The following DPYSL2 variants were observed in gnomAD, a reference collection of about 807,000 sequenced individuals.
DPYSL2 encodes the protein dihydropyrimidinase like 2.
A neutral mutation model predicts 69.9 loss-of-function variants in DPYSL2; 13 were observed. The observed-to-expected ratio is 0.19, with a 90% CI of 0.12 to 0.30. DPYSL2 has a LOEUF of 0.30. Among genes scored for constraint, DPYSL2 ranks in the 10% least tolerant of loss-of-function variants. DPYSL2 has a pLI of 1.00. For missense variants in DPYSL2, 587 were observed against 918.9 expected (o/e 0.64, Z 4.67); for synonymous variants, 326 against 359.1 (o/e 0.91, Z 1.04).
intron 10 of DPYSL2, among the ~76,000 whole-genome samples, chr8:26,646,231 C>T (rs998946697): frequency 2.0e-5 from 3 of 150,508 alleles, no homozygotes; most frequent in African/African-American, 7.3e-5. Context: ...ACTTGAATGA[C>T]ATTTTTATAA....
intron 1 of DPYSL2, chr8:26,577,723 G>C (rs189016543): frequency 0.017 from 14,149 of 832,006 alleles, 146 homozygotes; most frequent in Admixed American, 0.037. Flanking sequence ...CGCGAAAGGC[G>C]CGCTCCCAGC....
rs1241692716 is a variant in DPYSL2, at chr8:26,640,836, G to T, written c.1127-2603G>T. 2.0e-5 allele frequency among the ~76,000 whole-genome samples: 3 copies of T among 152,164 alleles called. No individual in the cohort carries two copies. The highest frequency in any genetic ancestry group is 4.4e-5 in the Non-Finnish European group (3 of 68,032). ...ATGTCCCTATCTTTGCTTAGCTGTG[G>T]CCCAGAAGTCCACTCAGCCTTTGTC... On this transcript the variant is annotated intron_variant, in intron 8 of 13. Coordinates refer to ENST00000521913, the MANE Select transcript of DPYSL2 (RefSeq NM_001197293.3). The surrounding 1 kb of genome is among the most constrained non-coding windows in gnomAD (Gnocchi z 4.2).
At position 26,587,837 on chromosome 8, in the gene DPYSL2, G is replaced by A. The variant is rs1282804484; in HGVS notation, c.628+3854G>A. Among the ~76,000 whole-genome samples, 1 of 152,120 alleles carries A rather than the reference G, an allele frequency of 6.6e-6. No homozygotes were observed. The highest frequency in any genetic ancestry group is 1.9e-4 in the East Asian group (1 of 5,172). ...GGCCTTCATGGTCATTTGAGTTCAG[G>A]ATCTCAGAGTTTCTAGGAAGCAGCT... is the stretch of plus-strand genomic sequence containing the variant. On this transcript the variant is annotated intron_variant, in intron 3 of 13. Coordinates refer to ENST00000521913, the MANE Select transcript of DPYSL2 (RefSeq NM_001197293.3). The surrounding 1 kb of genome is among the most constrained non-coding windows in gnomAD (Gnocchi z 4.2).
rs1808315590 is a variant in DPYSL2, at chr8:26,517,717, C to T, written c.354+3038C>T. Among the ~76,000 whole-genome samples the T allele has an allele frequency of 6.6e-6, 1 of 152,234 alleles. No individual in the cohort carries two copies. Among genetic ancestry groups the T allele is most frequent in the African/African-American group, 2.4e-5 (1 of 41,462 alleles). ...CAAAGGGGCCTCTAGGCCCTTTTCCCAGCAGCAAACAACCTATGCAGGCTG... is the reference window on the plus strand; with the variant it reads ...CAAAGGGGCCTCTAGGCCCTTTTCCTAGCAGCAAACAACCTATGCAGGCTG... On this transcript the variant is annotated intron_variant, in intron 1 of 13. Transcript: ENST00000521913. This position sits in a 1 kb window ranked among gnomAD's most constrained non-coding sequence, Gnocchi z 4.2.
chr8:26,594,868 A>T (rs1033213556), intron 3 of DPYSL2, among the ~76,000 whole-genome samples: 1 of 152,138 alleles, frequency 6.6e-6, no homozygotes, highest in Non-Finnish European at 1.5e-5. Context: ...ACATAGCAGG[A>T]AAAACAACGA....
At chr8:26,623,471 TA>T (rs943386659) in intron 3 of DPYSL2, among the ~76,000 whole-genome samples, 4 of 152,206 alleles carry the variant, frequency 2.6e-5, no homozygotes, top group African/African-American at 7.2e-5. Flanking sequence ...TTAAGGAGTT[TA>T]CCCCAGGACA....
At chr8:26,592,692 G>A (rs1801767451) in intron 3 of DPYSL2, among the ~76,000 whole-genome samples, 1 of 151,320 alleles carries the variant, frequency 6.6e-6, no homozygotes, top group Non-Finnish European at 1.5e-5. Context: ...AGTCAGGCTG[G>A]TCACGAACTC....
In DPYSL2 at chr8:26,556,126, T is replaced by TATATATACTATATATATTATATATAGTG. The variant is rs1491379170; in HGVS notation, c.355-25843_355-25842insATATATACTATATATATTATATATAGTG. Among the ~76,000 whole-genome samples the TATATATACTATATATATTATATATAGTG allele has an allele frequency of 3.7e-4, 5 of 13,336 alleles. 1 individual carries two copies. The highest frequency in any genetic ancestry group is 1.9e-3 in the African/African-American group (5 of 2,580). 8.7% of individuals were successfully genotyped at this position (13,336 alleles called of 152,430 possible). A position where few individuals can be genotyped will look rare whatever the true frequency, so the allele number is the denominator to read the frequency against. ...ATATAGTATATATATACTATATATA[T>TATATATACTATATATATTATATATAGTG]TATATATACTATATATAGTATATAC... On this transcript the variant is annotated intron_variant, in intron 1 of 13. Coordinates refer to ENST00000521913, the MANE Select transcript of DPYSL2 (RefSeq NM_001197293.3).
At chr8:26,527,209 G>T (rs1354490844) in intron 1 of DPYSL2, among the ~76,000 whole-genome samples, 3 of 152,174 alleles carry the variant, frequency 2.0e-5, no homozygotes, top group Non-Finnish European at 4.4e-5. Context: ...GCTGTGACTG[G>T]CAGGTCAGCT....
chr8:26,572,618 G>A (rs1188829673), intron 1 of DPYSL2, among the ~76,000 whole-genome samples: 1 of 152,148 alleles, frequency 6.6e-6, no homozygotes, highest in East Asian at 1.9e-4. Context: ...TCCAGCCTCA[G>A]CCTCCTGAGT....
At position 26,620,132 on chromosome 8, in the gene DPYSL2, G is replaced by C. The variant is rs968961595; in HGVS notation, c.629-4011G>C. The C allele has an allele frequency of 2.6e-5, 4 of 151,820 alleles. No homozygotes were observed. The highest frequency in any genetic ancestry group is 9.7e-5 in the African/African-American group (4 of 41,158). The allele number at this position is 151,820 out of a possible 1,614,324, so 9.4% of individuals were successfully genotyped here. On this transcript the variant is annotated intron_variant, in intron 3 of 13. Coordinates refer to ENST00000521913, the MANE Select transcript of DPYSL2 (RefSeq NM_001197293.3). The surrounding 1 kb of genome is among the most constrained non-coding windows in gnomAD (Gnocchi z 4.5). ...GGTACAGCCTTTCTTTTTTGGTGATGTTCTAAATCTAGATTGTGGTGATGG... is the reference window on the plus strand; with the variant it reads ...GGTACAGCCTTTCTTTTTTGGTGATCTTCTAAATCTAGATTGTGGTGATGG...
chr8:26,617,143 C>G lies in DPYSL2; in HGVS notation c.629-7000C>G, dbSNP rs1049139696. The stretch of plus-strand genomic sequence containing the variant: ...AAACTCATGATATTGGGTTCTCTAT[C>G]AGTGTCGCTCCCTGGCTGTAATATT... On this transcript the variant is annotated intron_variant, in intron 3 of 13. Transcript: ENST00000521913. This position sits in a 1 kb window ranked among gnomAD's most constrained non-coding sequence, Gnocchi z 4.7. Among the ~76,000 whole-genome samples the G allele has an allele frequency of 1.3e-5, 2 of 152,192 alleles. No homozygotes were observed. The highest frequency in any genetic ancestry group is 4.8e-5 in the African/African-American group (2 of 41,446).
rs1325528217 is a variant in DPYSL2 at position 26,621,857 on chromosome 8, G to T, written c.629-2286G>T. 6.6e-6 allele frequency among the ~76,000 whole-genome samples: 1 copy of T among 152,146 alleles called. No individual in the cohort carries two copies. Among genetic ancestry groups the T allele is most frequent in the African/African-American group, 2.4e-5 (1 of 41,434 alleles). Reference sequence around the variant, plus strand: ...GATCAACTAGGACCGGATCTGACTGGCCAAGAGAAAGAGTTTGAATTGGAC... The same window carrying T: ...GATCAACTAGGACCGGATCTGACTGTCCAAGAGAAAGAGTTTGAATTGGAC... On this transcript the variant is annotated intron_variant, in intron 3 of 13. Transcript: ENST00000521913. This position sits in a 1 kb window ranked among gnomAD's most constrained non-coding sequence, Gnocchi z 4.9.
chr8:26,611,254 C>T (rs1254866396), intron 3 of DPYSL2, among the ~76,000 whole-genome samples: 2 of 152,232 alleles, frequency 1.3e-5, no homozygotes, highest in East Asian at 3.9e-4. Context: ...GTTACGGAAT[C>T]ACTGGGTGCT....
chr8:26,642,779 C>T lies in DPYSL2; in HGVS notation c.1127-660C>T, dbSNP rs1273194140. The T allele has an allele frequency of 6.6e-6, 1 of 152,244 alleles. No homozygotes were observed. Among genetic ancestry groups the T allele is most frequent in the Non-Finnish European group, 1.5e-5 (1 of 68,078 alleles). The allele number at this position is 152,244 out of a possible 1,614,324, so 9.4% of individuals were successfully genotyped here. On this transcript the variant is annotated intron_variant, in intron 8 of 13. Transcript: ENST00000521913. The surrounding 1 kb of genome is among the most constrained non-coding windows in gnomAD (Gnocchi z 5.3). ...TATAGTTAGGCTAGGCTTCCAGAAA[C>T]TCTGAAATCCCAGTGGCATAATGTC...
At chr8:26,618,829 G>A (rs551358685) in intron 3 of DPYSL2, among the ~76,000 whole-genome samples, 47 of 150,914 alleles carry the variant, frequency 3.1e-4, no homozygotes, top group African/African-American at 9.0e-4. Context: ...ATGATGGCGC[G>A]CGCCTGTGAT....
chr8:26,597,629 C>T lies in DPYSL2; in HGVS notation c.628+13646C>T, dbSNP rs181423952. Among the ~76,000 whole-genome samples the T allele has an allele frequency of 2.9e-3, 446 of 152,200 alleles. 8 individuals are homozygous for T. The highest frequency in any genetic ancestry group is 2.1e-3 in the Non-Finnish European group (140 of 68,012). On this transcript the variant is annotated intron_variant, in intron 3 of 13. Coordinates refer to ENST00000521913, the MANE Select transcript of DPYSL2 (RefSeq NM_001197293.3). The surrounding 1 kb of genome is among the most constrained non-coding windows in gnomAD (Gnocchi z 5.2). Reference sequence around the variant, plus strand: ...AGCTGGGACTACAGGCGCCCGCCACCACGCCCAACTAATATTTTGTATTTT... The same window carrying T: ...AGCTGGGACTACAGGCGCCCGCCACTACGCCCAACTAATATTTTGTATTTT...
At chr8:26,570,378 G>A (rs1306608895) in intron 1 of DPYSL2, among the ~76,000 whole-genome samples, 1 of 152,092 alleles carries the variant, frequency 6.6e-6, no homozygotes, top group Admixed American at 6.5e-5. Context: ...AAAGACAGCC[G>A]ATCACCTGTG....
chr8:26,548,615 G>A (rs186852928), intron 1 of DPYSL2, among the ~76,000 whole-genome samples: 10 of 151,920 alleles, frequency 6.6e-5, no homozygotes, highest in Admixed American at 6.6e-4. Flanking sequence ...ATGTGTGGTG[G>A]CTTATGTCTG....
Sources: allele counts gnomAD v4.1 joint callset (sites outside exome capture counted in the v4.1 genomes callset), GRCh38; gene constraint gnomAD v4.1.1; non-coding constraint Gnocchi (gnomAD v3.1); transcripts MANE v1.5; gene names NCBI Gene and HGNC (gene_info 2026-07-23, HGNC 2026-07-21).